Variants in DNAAF8 observed in about 807,000 individuals in gnomAD.
DNAAF8 encodes dynein axonemal-associated protein 1.
A neutral mutation model predicts 54.6 loss-of-function variants in DNAAF8; 61 were observed. The ratio of observed to expected loss-of-function variants is 1.12; its 90% CI spans 0.91 to 1.38. The LOEUF (loss-of-function observed/expected upper bound fraction) is 1.38, where lower values mean the gene tolerates loss of function less well. Ranked by LOEUF, DNAAF8 falls within the 40% of genes most tolerant of loss-of-function variation. DNAAF8 has a pLI of 0.00. For missense variants in DNAAF8, 837 were observed against 665.0 expected (o/e 1.26, Z -2.85); for synonymous variants, 320 against 270.1 (o/e 1.18, Z -1.81).
chr16:4,743,405 G>A (rs893535728), intron 5 of DNAAF8: 10 of 385,456 alleles, frequency 2.6e-5, no homozygotes, highest in Middle Eastern at 1.4e-3. Flanking sequence ...AGAGGCCTCC[G>A]CACCCCACCC....
At chr16:4,746,657 A>G (rs745955203) in intron 7 of DNAAF8, 145 bp downstream of exon 7, 13 of 1,176,652 alleles carry the variant, frequency 1.1e-5, no homozygotes, top group East Asian at 2.6e-5. Flanking sequence ...GTGCTGGCCT[A>G]CAGTCCCCCT....
intron 6 of DNAAF8, among the ~76,000 whole-genome samples, chr16:4,745,365 C>T (rs575657945): frequency 6.6e-6 from 1 of 152,298 alleles, no homozygotes; most frequent in South Asian, 2.1e-4. Flanking sequence ...GCTGATTGGT[C>T]CAGCTCTGGG....
At chr16:4,745,625 C>G (rs1342339117) in intron 6 of DNAAF8, among the ~76,000 whole-genome samples, 2 of 152,190 alleles carry the variant, frequency 1.3e-5, no homozygotes, top group South Asian at 4.1e-4. Flanking sequence ...CAGTGGGTTT[C>G]TGTGTCTGGA....
At chr16:4,742,199 C>CA (rs2081967388) in intron 4 of DNAAF8, among the ~76,000 whole-genome samples, 1 of 152,254 alleles carries the variant, frequency 6.6e-6, no homozygotes, top group Admixed American at 6.5e-5. Context: ...CTTAAAAGAA[C>CA]AAAATTTTTT....
chr16:4,734,859 C>G (rs2081854103), intron 1 of DNAAF8, 161 bp downstream of exon 1: 1 of 152,202 alleles, frequency 6.6e-6, no homozygotes, highest in Admixed American at 6.5e-5. Context: ...GTTGCCATAA[C>G]AACCGGCAGC....
At chr16:4,737,681 T>C in intron 2 of DNAAF8, 119 bp from the exon 3 acceptor site, 1 of 1,300,028 alleles carries the variant, frequency 7.7e-7, no homozygotes, top group Non-Finnish European at 1.1e-6. Context: ...CTGGACGGGC[T>C]GGATGGGCTG....
intron 6 of DNAAF8, 52 bp downstream of exon 6, chr16:4,745,063 G>T: frequency 6.3e-7 from 1 of 1,584,750 alleles, no homozygotes. Flanking sequence ...ATGGCCCCAT[G>T]GTTTTGTAGC....
chr16:4,747,379 C>T lies in DNAAF8; in HGVS notation c.1317C>T (p.Leu439=). The T allele has an allele frequency of 6.2e-7, 1 of 1,607,590 alleles. No homozygotes were observed. The highest frequency in any genetic ancestry group is 8.5e-7 in the Non-Finnish European group (1 of 1,176,340). Residue 439 remains leucine, a synonymous_variant, in exon 9 of 10, where the codon CTC becomes CTT. Transcript: ENST00000299320. The part of the protein sequence containing the change: ...CTGKSQLLQQ[L]RAFQKGTAQP... The stretch of plus-strand genomic sequence containing the variant: ...GGAAAAGCCAGCTTCTCCAGCAGCT[C>T]AGGGCCTTTCAGAAGGGGACAGCCC...
intron 1 of DNAAF8, among the ~76,000 whole-genome samples, 165 bp from the exon 2 acceptor site, chr16:4,736,299 A>ACG (rs2081900085): frequency 1.0e-5 from 1 of 99,068 alleles, no homozygotes; most frequent in African/African-American, 3.4e-5. Flanking sequence ...ACACACGTAC[A>ACG]CACACAGTGC....
intron 1 of DNAAF8, 43 bp from the exon 2 acceptor site, chr16:4,736,421 T>G (rs2081902199): frequency 1.5e-6 from 2 of 1,320,212 alleles, no homozygotes; most frequent in South Asian, 2.1e-5. Context: ...CTCCTGACCT[T>G]CAGTGGCCCG....
chr16:4,743,025 T>A lies in DNAAF8; in HGVS notation c.784-18T>A. Reference sequence around the variant, plus strand: ...GACCCCTCAGCATCCTCATAATCACTGGTTTTAATGATTTCAGCAACTTGA... The same window carrying A: ...GACCCCTCAGCATCCTCATAATCACAGGTTTTAATGATTTCAGCAACTTGA... On this transcript the variant is annotated intron_variant, in intron 4 of 9. Coordinates refer to ENST00000299320, the MANE Select transcript of DNAAF8 (RefSeq NM_139170.3). The A allele has an allele frequency of 2.5e-6, 4 of 1,572,994 alleles. No homozygotes were observed. Among genetic ancestry groups the A allele is most frequent in the Non-Finnish European group, 3.5e-6 (4 of 1,143,494 alleles).
chr16:4,740,207 A>C lies in DNAAF8; in HGVS notation c.331A>C (p.Arg111=), dbSNP rs569448019. The C allele has an allele frequency of 1.2e-4, 190 of 1,614,020 alleles. 2 individuals are homozygous for C. In the South Asian group the frequency reaches 1.9e-3, roughly 16 times the overall value. Residue 111 remains arginine (R), a synonymous_variant, in exon 4 of 10, where the codon AGG becomes CGG. Coordinates refer to ENST00000299320, the MANE Select transcript of DNAAF8 (RefSeq NM_139170.3). ...ATEPGCRQNT[R]TKDASSQEGR... Reference sequence around the variant, plus strand: ...AGAACCTGGGTGCAGACAGAACACAAGGACAAAGGATGCATCCTCTCAGGA... The same window carrying C: ...AGAACCTGGGTGCAGACAGAACACACGGACAAAGGATGCATCCTCTCAGGA...
chr16:4,744,203 T>A lies in DNAAF8; in HGVS notation c.902-667T>A, dbSNP rs541613834. Among the ~76,000 whole-genome samples the A allele has an allele frequency of 1.6e-4, 25 of 152,318 alleles. No individual in the cohort carries two copies. The South Asian group carries it at 5.2e-3, about 32-fold the overall frequency. On this transcript the variant is annotated intron_variant, in intron 5 of 9. Coordinates refer to ENST00000299320, the MANE Select transcript of DNAAF8 (RefSeq NM_139170.3). ...GCCTCAGCCTCCCAAAGTGCTGGGA[T>A]TACAGGCGTGAGCCACCGCGCTTGG...
chr16:4,747,675 C>T, intron 9 of DNAAF8, 41 bp downstream of exon 9: 1 of 1,547,736 alleles, frequency 6.5e-7, no homozygotes, highest in Non-Finnish European at 8.7e-7. Context: ...GGCTGACTTG[C>T]CATGGACCCT....
rs146398065 is a variant in DNAAF8 at position 4,737,916 on chromosome 16, G to T, written c.246G>T (p.Trp82Cys). The change falls in exon 3 of 10, where the codon TGG (tryptophan) becomes TGT (cysteine). Residue 82 changes from tryptophan (W) to cysteine (C), a missense_variant. Physicochemically the swap from Trp to Cys is radical, Grantham distance 215. Transcript: ENST00000299320. ...CCGATGGCGACAAGTCCAGGGCCTG[G>T]GTCGCTGCAGCTGAAGAGTCCCTTC... The part of the protein sequence containing the change: ...DPADGDKSRA[W>C]VAAAEESLPE... 3.0e-4 allele frequency: 492 copies of T among 1,614,094 alleles called. No homozygotes were observed. The highest frequency in any genetic ancestry group is 4.0e-4 in the Non-Finnish European group (476 of 1,180,046).
intron 5 of DNAAF8, among the ~76,000 whole-genome samples, chr16:4,744,194 G>A (rs528609013): frequency 2.8e-4 from 43 of 152,226 alleles, no homozygotes; most frequent in Non-Finnish European, 5.4e-4. Context: ...GCCTCCCAAA[G>A]TGCTGGGATT....
At chr16:4,738,113 C>A in intron 3 of DNAAF8, 167 bp downstream of exon 3, 2 of 838,764 alleles carry the variant, frequency 2.4e-6, no homozygotes, top group Non-Finnish European at 1.8e-6. Context: ...CTAACCTCCA[C>A]GCACCTCCCT....
intron 5 of DNAAF8, among the ~76,000 whole-genome samples, chr16:4,744,211 G>A (rs1563443): frequency 0.58 from 87,722 of 152,022 alleles, 26,278 homozygotes; most frequent in East Asian, 0.68. Context: ...GATTACAGGC[G>A]TGAGCCACCG....
chr16:4,736,748 A>T, intron 2 of DNAAF8, 105 bp downstream of exon 2: 1 of 1,222,966 alleles, frequency 8.2e-7, no homozygotes, highest in Non-Finnish European at 1.1e-6. Flanking sequence ...TTTCCTGCTG[A>T]CCTGTGCAGT....
Sources: allele counts gnomAD v4.1 joint callset (sites outside exome capture counted in the v4.1 genomes callset), GRCh38; gene constraint gnomAD v4.1.1; transcripts MANE v1.5; gene names NCBI Gene and HGNC (gene_info 2026-07-23, HGNC 2026-07-21).